FAM81A: variants seen among roughly 807,000 people sequenced by gnomAD.
The protein encoded by FAM81A is family with sequence similarity 81 member A.
In FAM81A, 19 loss-of-function variants were observed where a neutral mutation model predicts 46.7. That is an observed-to-expected ratio of 0.41 (90% CI 0.28 to 0.60). The LOEUF (loss-of-function observed/expected upper bound fraction) is 0.60. Among genes scored for constraint, FAM81A ranks in the 20% least tolerant of loss-of-function variants. The pLI is 0.34. For missense variants in FAM81A, 377 were observed against 453.5 expected (o/e 0.83, Z 1.53); for synonymous variants, 183 against 152.9 (o/e 1.20, Z -1.45).
chr15:59,510,482 A>T (rs575000981), intron 6 of FAM81A, among the ~76,000 whole-genome samples: 33 of 152,096 alleles, frequency 2.2e-4, no homozygotes, highest in African/African-American at 7.9e-4. Flanking sequence ...ATATAGAAAG[A>T]TCTTAAAGCA....
chr15:59,451,286 A>C (rs947423507), intron 1 of FAM81A, among the ~76,000 whole-genome samples: 1 of 152,098 alleles, frequency 6.6e-6, no homozygotes, highest in African/African-American at 2.4e-5. Flanking sequence ...ATGCACAGCT[A>C]TATGGGAAGC....
chr15:59,452,240 A>C (rs1329989414), intron 1 of FAM81A, among the ~76,000 whole-genome samples: 1 of 152,238 alleles, frequency 6.6e-6, no homozygotes, highest in Non-Finnish European at 1.5e-5. Context: ...AGATACCAAA[A>C]AGCTGAACTG....
intron 3 of FAM81A, among the ~76,000 whole-genome samples, chr15:59,488,533 C>G (rs1441538275): frequency 6.6e-6 from 1 of 152,152 alleles, no homozygotes; most frequent in African/African-American, 2.4e-5. Flanking sequence ...AAAGACTCCA[C>G]CAAAAAACTA....
At chr15:59,467,820 T>G (rs1414760407) in intron 3 of FAM81A, among the ~76,000 whole-genome samples, 1 of 152,226 alleles carries the variant, frequency 6.6e-6, no homozygotes, top group Non-Finnish European at 1.5e-5. Context: ...GTTTTGCCCA[T>G]TCAGTATGAT....
intron 1 of FAM81A, among the ~76,000 whole-genome samples, chr15:59,445,856 A>G (rs2081349009): frequency 6.6e-6 from 1 of 152,176 alleles, no homozygotes; most frequent in Non-Finnish European, 1.5e-5. Context: ...ATCTTTTCTA[A>G]TGCTAGAAAG....
chr15:59,433,222 C>T (rs1228933211), upstream of FAM81A, among the ~76,000 whole-genome samples: 4 of 57,862 alleles, frequency 6.9e-5, 1 homozygote, highest in Non-Finnish European at 1.8e-4. Context: ...CTTTGGGAGG[C>T]CGAGGTGGAT....
chr15:59,492,333 G>T lies in FAM81A; in HGVS notation c.357G>T (p.Lys119Asn). ...NISYGTNSAL[K>N]TLEMRQLSGL... is the part of the protein sequence containing the mutation. Reference sequence around the variant, plus strand: ...GCTATGGAACTAATTCTGCCTTAAAGACCCTGGAGATGCGCCAGCTCTCCG... The same window carrying T: ...GCTATGGAACTAATTCTGCCTTAAATACCCTGGAGATGCGCCAGCTCTCCG... The change falls in exon 4 of 9, where the codon AAG (lysine) becomes AAT (asparagine). Residue 119 changes from lysine (K) to asparagine (N), a missense_variant. By Grantham distance (94) the Lys-to-Asn change is moderately conservative. Coordinates refer to ENST00000288228, the MANE Select transcript of FAM81A (RefSeq NM_152450.3). 6.2e-7 allele frequency: 1 copy of T among 1,613,868 alleles called. No individual in the cohort carries two copies. The highest frequency in any genetic ancestry group is 8.5e-7 in the Non-Finnish European group (1 of 1,179,850).
At chr15:59,405,195 T>G (rs976133559) in intron 2 of FAM81A, among the ~76,000 whole-genome samples, 3 of 152,222 alleles carry the variant, frequency 2.0e-5, no homozygotes, top group East Asian at 1.9e-4. Context: ...GTCATTTGAT[T>G]ATTTCTTTAT....
At chr15:59,476,409 C>G (rs1260363959) in intron 3 of FAM81A, among the ~76,000 whole-genome samples, 1 of 152,000 alleles carries the variant, frequency 6.6e-6, no homozygotes, top group African/African-American at 2.4e-5. Context: ...TTTTGGAGGA[C>G]ACAAACATTC....
chr15:59,447,855 G>C (rs1596477494), intron 1 of FAM81A, among the ~76,000 whole-genome samples: 1 of 152,292 alleles, frequency 6.6e-6, no homozygotes, highest in East Asian at 1.9e-4. Context: ...TAGGCATGAA[G>C]GGAGGAGGCC....
chr15:59,517,582 T>G (rs2082280874), intron 8 of FAM81A, among the ~76,000 whole-genome samples: 1 of 152,190 alleles, frequency 6.6e-6, no homozygotes, highest in African/African-American at 2.4e-5. Context: ...TCTCCTAGCT[T>G]CTTCCAGTTG....
intron 3 of FAM81A, among the ~76,000 whole-genome samples, chr15:59,471,934 G>A (rs1478719593): frequency 6.6e-6 from 1 of 152,142 alleles, no homozygotes; most frequent in African/African-American, 2.4e-5. Flanking sequence ...GATGGTTAAA[G>A]AAAATGACTG....
intron 1 of FAM81A, among the ~76,000 whole-genome samples, chr15:59,442,295 T>C (rs530883795): frequency 6.8e-4 from 104 of 152,330 alleles, no homozygotes; most frequent in Non-Finnish European, 1.3e-3. Flanking sequence ...CCTTTTACTT[T>C]GAATAATTCA....
rs749274791 is a variant in FAM81A, at chr15:59,458,561, TA to T, written c.-61del. The T allele has an allele frequency of 3.1e-6, 5 of 1,612,562 alleles. No individual in the cohort carries two copies. The highest frequency in any genetic ancestry group is 1.7e-5 in the Admixed American group (1 of 59,824). On this transcript the variant is annotated 5_prime_UTR_variant, in exon 2 of 9. Coordinates refer to ENST00000288228, the MANE Select transcript of FAM81A (RefSeq NM_152450.3). ...TATTTTTTCAACAGATGTGAATTAT[TA>T]AAAAGAAAATGGCCCAACGGAGCAC...
chr15:59,507,602 A>G (rs1157511484), intron 5 of FAM81A, among the ~76,000 whole-genome samples: 2 of 152,160 alleles, frequency 1.3e-5, no homozygotes, highest in Non-Finnish European at 2.9e-5. Context: ...AACAACTAAT[A>G]CATTCCAGAA....
intron 4 of FAM81A, among the ~76,000 whole-genome samples, chr15:59,501,236 G>A (rs1441901140): frequency 4.6e-5 from 7 of 152,114 alleles, no homozygotes; most frequent in Non-Finnish European, 8.8e-5. Flanking sequence ...TTTGGGAAAT[G>A]GGCACAATTA....
At chr15:59,399,768 C>T (rs1359111803) in intron 1 of FAM81A, among the ~76,000 whole-genome samples, 3 of 152,154 alleles carry the variant, frequency 2.0e-5, no homozygotes, top group Admixed American at 2.0e-4. Context: ...AGTTCTGGCT[C>T]TCCTCCTTTC....
chr15:59,459,895 T>G (rs746431213), intron 2 of FAM81A, 38 bp from the exon 3 acceptor site: 18 of 1,521,634 alleles, frequency 1.2e-5, no homozygotes, highest in Non-Finnish European at 1.6e-5. Flanking sequence ...AAACATTATT[T>G]TTTCCCAATT....
chr15:59,469,807 G>C (rs1314169288), intron 3 of FAM81A, among the ~76,000 whole-genome samples: 1 of 152,174 alleles, frequency 6.6e-6, no homozygotes, highest in African/African-American at 2.4e-5. Context: ...TTTCTTCACA[G>C]CATCAATGGT....
Sources: gnomAD v4.1 joint callset for allele counts (sites outside exome capture counted in the v4.1 genomes callset) on GRCh38, gnomAD v4.1.1 for gene constraint, MANE v1.5 for transcripts, NCBI Gene and HGNC (gene_info 2026-07-23, HGNC 2026-07-21) for gene names.